SYT2: variants seen among roughly 807,000 people sequenced by gnomAD.
SYT2 encodes synaptotagmin-2.
SYT2 carries 15 observed loss-of-function variants against 39.9 expected under a neutral mutation model. That is an observed-to-expected ratio of 0.38 (90% confidence interval 0.25 to 0.58). SYT2 has a LOEUF of 0.58. SYT2 is among the 20% of genes least tolerant of loss of function. The probability of loss-of-function intolerance (pLI) is 0.70; values close to 1 mark genes in which losing one functional copy is unlikely to be tolerated. For missense variants in SYT2, 389 were observed against 530.3 expected (o/e 0.73, Z 2.62); for synonymous variants, 181 against 204.5 (o/e 0.89, Z 0.98).
chr1:202,641,367 A>G (rs547404541), intron 1 of SYT2, among the ~76,000 whole-genome samples: 2 of 152,312 alleles, frequency 1.3e-5, no homozygotes, highest in Admixed American at 1.3e-4. Flanking sequence ...CAGCCACAGA[A>G]CTGTGGGGTT....
At chr1:202,638,290 G>A (rs1342812794) in intron 1 of SYT2, among the ~76,000 whole-genome samples, 1 of 152,134 alleles carries the variant, frequency 6.6e-6, no homozygotes, top group East Asian at 1.9e-4. Flanking sequence ...GAGAAAAAAG[G>A]AGCAGCATGT....
intron 1 of SYT2, among the ~76,000 whole-genome samples, chr1:202,660,931 G>C (rs150662856): frequency 9.2e-5 from 14 of 152,218 alleles, no homozygotes; most frequent in African/African-American, 2.9e-4. Context: ...CGGACTTAAG[G>C]ACTCTCTAGT....
At chr1:202,663,490 G>A (rs952113689) in intron 1 of SYT2, among the ~76,000 whole-genome samples, 6 of 152,134 alleles carry the variant, frequency 3.9e-5, no homozygotes, top group African/African-American at 7.2e-5. Context: ...CCACAGCACC[G>A]TTGTGTTTCT....
rs1183114689 is a variant in SYT2, at chr1:202,594,029, A to C, written c.*2728T>G. The C allele has an allele frequency of 6.6e-6, 1 of 152,190 alleles. No homozygotes were observed. Among genetic ancestry groups the C allele is most frequent in the African/African-American group, 2.4e-5 (1 of 41,372 alleles). 9.4% of individuals were successfully genotyped at this position (152,190 alleles called of 1,614,324 possible). ...GCTACGTCAGCCCTCAGGTATGGAA[A>C]ACACACAAGCAGAAGCATGTTCCCA... On this transcript the variant is annotated 3_prime_UTR_variant, in exon 9 of 9. Transcript: ENST00000367268.
chr1:202,684,705 A>T (rs975094553), intron 1 of SYT2, among the ~76,000 whole-genome samples: 23 of 151,996 alleles, frequency 1.5e-4, no homozygotes, highest in Non-Finnish European at 2.9e-4. Flanking sequence ...CCCGTGATGT[A>T]TTTGGTTTCA....
At chr1:202,665,496 GAA>G (rs1692465020) in intron 1 of SYT2, among the ~76,000 whole-genome samples, 1 of 152,192 alleles carries the variant, frequency 6.6e-6, no homozygotes, top group Non-Finnish European at 1.5e-5. Flanking sequence ...GCAACCAAGG[GAA>G]AAGTCTGTTT....
At chr1:202,639,830 G>A in intron 1 of SYT2, 2 of 985,472 alleles carry the variant, frequency 2.0e-6, no homozygotes, top group South Asian at 9.4e-5. Context: ...GGACGTTGGG[G>A]CATTTTGGGG....
At chr1:202,694,752 TC>T (rs1653931282) in intron 1 of SYT2, among the ~76,000 whole-genome samples, 1 of 151,758 alleles carries the variant, frequency 6.6e-6, no homozygotes. Flanking sequence ...TTCCTCTTCT[TC>T]CCCTTCTTAT....
chr1:202,625,233 CTGTG>C (rs768593364), intron 1 of SYT2, among the ~76,000 whole-genome samples: 4 of 55,072 alleles, frequency 7.3e-5, no homozygotes, highest in Non-Finnish European at 1.0e-4. Context: ...TGTGCTGTGT[CTGTG>C]TGGTGTGTGT....
At chr1:202,674,867 GC>G (rs34329134) in intron 1 of SYT2, among the ~76,000 whole-genome samples, 2 of 147,946 alleles carry the variant, frequency 1.4e-5, no homozygotes, top group Non-Finnish European at 3.0e-5. Context: ...CTCCCCCACT[GC>G]CCAGCATGCT....
chr1:202,640,770 GAGAGAGAGAGAGAGAGAGAGAGACAGAC>G (rs1558443859), intron 1 of SYT2, among the ~76,000 whole-genome samples: 15 of 140,302 alleles, frequency 1.1e-4, no homozygotes, highest in African/African-American at 4.7e-4. Context: ...GAGAGAGAGA[GAGAGAGAGAGAGAGAGAGAGAGACAGAC>G]AGACAGAGAG....
chr1:202,602,147 G>T, intron 5 of SYT2, 90 bp from the exon 6 acceptor site: 2 of 1,519,802 alleles, frequency 1.3e-6, no homozygotes, highest in Non-Finnish European at 1.8e-6. Flanking sequence ...CCAGCCCACA[G>T]GGTCCAGGTT....
intron 1 of SYT2, among the ~76,000 whole-genome samples, chr1:202,688,383 C>G (rs570786522): frequency 2.6e-5 from 4 of 152,346 alleles, no homozygotes; most frequent in African/African-American, 7.2e-5. Flanking sequence ...GTGGGCGGCA[C>G]AGTCGAGGGT....
chr1:202,605,659 C>G lies in SYT2; in HGVS notation c.114G>C (p.Glu38Asp). Reference sequence around the variant, plus strand: ...GTTTGGCAAACATGTCCTCCTGGCTCTCCCCAGCACCCCCACTCTCAGTGG... The same window carrying G: ...GTTTGGCAAACATGTCCTCCTGGCTGTCCCCAGCACCCCCACTCTCAGTGG... ...DNSTESGGAGESQEDMFAKLK... is the reference protein window; with the variant it reads ...DNSTESGGAGDSQEDMFAKLK... The change falls in exon 2 of 9, where the codon GAG becomes GAC. Residue 38 changes from glutamate (E) to aspartate (D), a missense_variant. By Grantham distance (45) the Glu-to-Asp change is conservative. Coordinates refer to ENST00000367268, the MANE Select transcript of SYT2 (RefSeq NM_177402.5). 1.2e-6 allele frequency: 2 copies of G among 1,613,980 alleles called. No homozygotes were observed. The highest frequency in any genetic ancestry group is 1.7e-6 in the Non-Finnish European group (2 of 1,179,874).
At position 202,590,603 on chromosome 1, in the gene SYT2, C is replaced by T. The variant is rs1376307820; in HGVS notation, c.*6154G>A. On this transcript the variant is annotated 3_prime_UTR_variant, in exon 9 of 9. Transcript: ENST00000367268. ...ACACCCCCCACCCCCAGGTTTCTTT[C>T]AGCTCATTTCTTTAATAAGGAGACG... 1 of 151,144 alleles carries T rather than the reference C, an allele frequency of 6.6e-6. No individual in the cohort carries two copies. Among genetic ancestry groups the T allele is most frequent in the African/African-American group, 2.4e-5 (1 of 41,088 alleles). The allele number at this position is 151,144 out of a possible 1,614,324, so 9.4% of individuals were successfully genotyped here.
chr1:202,676,258 A>G (rs970209666), intron 1 of SYT2, among the ~76,000 whole-genome samples: 2 of 150,696 alleles, frequency 1.3e-5, no homozygotes, highest in South Asian at 4.2e-4. Context: ...GGTGCCCTCC[A>G]GGGAGTTGGG....
At chr1:202,648,041 A>G (rs1274803142) in intron 1 of SYT2, among the ~76,000 whole-genome samples, 1 of 152,214 alleles carries the variant, frequency 6.6e-6, no homozygotes, top group Non-Finnish European at 1.5e-5. Flanking sequence ...AAGGCACTTC[A>G]CACCCTATGT....
chr1:202,679,163 G>C (rs1653463247), intron 1 of SYT2, among the ~76,000 whole-genome samples: 1 of 152,122 alleles, frequency 6.6e-6, no homozygotes, highest in Non-Finnish European at 1.5e-5. Context: ...TGAGCAGGAG[G>C]AGAAGCTGGT....
chr1:202,652,923 T>C (rs1692218011), intron 1 of SYT2, among the ~76,000 whole-genome samples: 1 of 152,168 alleles, frequency 6.6e-6, no homozygotes, highest in Non-Finnish European at 1.5e-5. Context: ...GAGCCTGAGT[T>C]GGCCTTTGAT....
Sources: gnomAD v4.1 joint callset for allele counts (sites outside exome capture counted in the v4.1 genomes callset) on GRCh38, gnomAD v4.1.1 for gene constraint, MANE v1.5 for transcripts, NCBI Gene and HGNC (gene_info 2026-07-23, HGNC 2026-07-21) for gene names.